TACC2: variants seen among roughly 807,000 people sequenced by gnomAD.
TACC2 encodes transforming acidic coiled-coil containing protein 2.
In TACC2, 137 loss-of-function variants were observed where a neutral mutation model predicts 227.3. The observed-to-expected ratio is 0.60, with a 90% CI of 0.52 to 0.69. TACC2 has a LOEUF of 0.69. Among genes scored for constraint, TACC2 ranks in the 30% least tolerant of loss-of-function variants. The probability of loss-of-function intolerance (pLI) is 0.00; values close to 1 mark genes in which losing one functional copy is unlikely to be tolerated. For synonymous variants in TACC2, 1,523 were observed against 1,487.5 expected, an observed-to-expected ratio of 1.02 and a Z score of -0.55; for missense variants, 3,470 against 3,694.4, an observed-to-expected ratio of 0.94 and a Z score of 1.57.
chr10:122,101,402 T>A (rs1421497816), intron 5 of TACC2, among the ~76,000 whole-genome samples: 1 of 152,064 alleles, frequency 6.6e-6, no homozygotes, highest in Non-Finnish European at 1.5e-5. Context: ...CTGCACATAG[T>A]AGCCCCTCAA....
At chr10:121,992,874 G>A (rs1012941825) in intron 1 of TACC2, among the ~76,000 whole-genome samples, 1 of 151,664 alleles carries the variant, frequency 6.6e-6, no homozygotes, top group Non-Finnish European at 1.5e-5. Flanking sequence ...AGAATTGCTA[G>A]AACCTGGGAG....
In TACC2 at chr10:122,050,172, G is replaced by T. The variant is rs75578652; in HGVS notation, c.34-266G>T. ...AGTGTGGTAGGTGTCCCCAGTTTTGGTTTTTCTACTAAAGCATTCAGTTGG... is the reference window on the plus strand; with the variant it reads ...AGTGTGGTAGGTGTCCCCAGTTTTGTTTTTTCTACTAAAGCATTCAGTTGG... On this transcript the variant is annotated intron_variant, in intron 2 of 22. Transcript: ENST00000369005. The surrounding 1 kb of genome is among the most constrained non-coding windows in gnomAD (Gnocchi z 4.6). 0.013 allele frequency among the ~76,000 whole-genome samples: 2,038 copies of T among 152,268 alleles called. 36 individuals are homozygous for T. The highest frequency in any genetic ancestry group is 0.046 in the African/African-American group (1,931 of 41,542).
At chr10:122,024,488 T>C (rs1257822968) in intron 2 of TACC2, among the ~76,000 whole-genome samples, 1 of 152,178 alleles carries the variant, frequency 6.6e-6, no homozygotes, top group Non-Finnish European at 1.5e-5. Flanking sequence ...ACAGTCAAGA[T>C]AACAGACCAT....
chr10:122,027,122 T>C (rs1163486640), intron 2 of TACC2, among the ~76,000 whole-genome samples: 2 of 152,154 alleles, frequency 1.3e-5, no homozygotes, highest in Non-Finnish European at 2.9e-5. Flanking sequence ...CAGCATTTGG[T>C]GGTGTCAGTA....
chr10:122,042,386 G>C (rs2074409480), intron 2 of TACC2, among the ~76,000 whole-genome samples: 1 of 152,232 alleles, frequency 6.6e-6, no homozygotes, highest in Non-Finnish European at 1.5e-5. Flanking sequence ...GGGATTACAG[G>C]TCCCTGCCAC....
At chr10:122,053,951 C>T (rs1207804499) in intron 3 of TACC2, among the ~76,000 whole-genome samples, 6 of 152,162 alleles carry the variant, frequency 3.9e-5, no homozygotes, top group Admixed American at 2.6e-4. Flanking sequence ...GGGCATGGAG[C>T]GAGGGAAGAA....
chr10:122,156,100 G>A (rs931795674), intron 7 of TACC2, among the ~76,000 whole-genome samples: 1 of 151,706 alleles, frequency 6.6e-6, no homozygotes, highest in South Asian at 2.1e-4. Flanking sequence ...GCCTCCCAAA[G>A]TCCTGGGATT....
intron 1 of TACC2, among the ~76,000 whole-genome samples, chr10:121,992,671 T>C (rs1005893553): frequency 1.3e-5 from 2 of 152,078 alleles, no homozygotes; most frequent in Admixed American, 6.6e-5. Flanking sequence ...AATAGGTGAA[T>C]TGGTTGGGCA....
At chr10:121,998,320 A>G (rs1222386806) in intron 1 of TACC2, among the ~76,000 whole-genome samples, 1 of 151,736 alleles carries the variant, frequency 6.6e-6, no homozygotes, top group Non-Finnish European at 1.5e-5. Context: ...CTCAAAAAAA[A>G]AAAAAAAAAA....
At chr10:122,096,445 C>T (rs2081413635) in intron 5 of TACC2, among the ~76,000 whole-genome samples, 1 of 152,098 alleles carries the variant, frequency 6.6e-6, no homozygotes, top group Non-Finnish European at 1.5e-5. Context: ...GCCTATAATC[C>T]CAGCACTTTG....
intron 7 of TACC2, chr10:122,163,510 C>G (rs971120477): frequency 1.6e-5 from 15 of 951,864 alleles, no homozygotes; most frequent in Non-Finnish European, 1.8e-5. Flanking sequence ...CCGGAGCCCG[C>G]GATGGAGCTT....
chr10:122,111,092 A>G (rs769198743), intron 5 of TACC2, among the ~76,000 whole-genome samples: 8 of 152,206 alleles, frequency 5.3e-5, no homozygotes, highest in Non-Finnish European at 1.0e-4. Context: ...CCTCCTTCCA[A>G]TTAAAGGACC....
rs1234496958 is a variant in TACC2, at chr10:122,254,097, A to G, written c.*41A>G. ...TTTGGACTTAACTGTTGCGTGCAAT[A>G]TGACCGTCGGCACACTGCTGTTCCT... On this transcript the variant is annotated 3_prime_UTR_variant, in exon 23 of 23. Coordinates refer to ENST00000369005, the MANE Select transcript of TACC2 (RefSeq NM_206862.4). The G allele has an allele frequency of 6.5e-7, 1 of 1,549,862 alleles. No homozygotes were observed. Among genetic ancestry groups the G allele is most frequent in the Admixed American group, 1.7e-5 (1 of 59,934 alleles).
In TACC2 at chr10:122,210,088, G is replaced by T; in HGVS notation, c.5972-309G>T. The T allele has an allele frequency of 2.4e-6, 1 of 413,638 alleles. No homozygotes were observed. The highest frequency in any genetic ancestry group is 4.4e-6 in the Non-Finnish European group (1 of 225,838). The allele number at this position is 413,638 out of a possible 1,614,324, so 25.6% of individuals were successfully genotyped here. On this transcript the variant is annotated intron_variant, in intron 8 of 22. Transcript: ENST00000369005. This position sits in a 1 kb window ranked among gnomAD's most constrained non-coding sequence, Gnocchi z 4.6. ...TTCCTTGTTGAATCTCTAGTACCTA[G>T]AACCATGTCTGGTCCTGATTAGGCA...
At chr10:122,113,928 C>A (rs964569618) in intron 5 of TACC2, among the ~76,000 whole-genome samples, 1 of 152,248 alleles carries the variant, frequency 6.6e-6, no homozygotes, top group African/African-American at 2.4e-5. Context: ...GCCCAGGCTC[C>A]GAGCGCCGAA....
At chr10:122,241,898 G>C (rs2096004360) in intron 18 of TACC2, 60 bp from the exon 19 acceptor site, 1 of 1,512,856 alleles carries the variant, frequency 6.6e-7, no homozygotes, top group East Asian at 2.3e-5. Flanking sequence ...GCGTCCAGCT[G>C]TGTGAGATGG....
At chr10:122,174,839 CCTT>C (rs1257250546) in intron 7 of TACC2, among the ~76,000 whole-genome samples, 10 of 152,248 alleles carry the variant, frequency 6.6e-5, no homozygotes, top group African/African-American at 2.2e-4. Context: ...AAGTTTTGTG[CCTT>C]TGACCAACAT....
At position 122,216,707 on chromosome 10, in the gene TACC2, G is replaced by T. The variant is rs769368467; in HGVS notation, c.7425G>T (p.Ala2475=). Residue 2475 remains alanine (A), a synonymous_variant, in exon 11 of 23, where the codon GCG becomes GCT. Transcript: ENST00000369005. The part of the protein sequence containing the change: ...VVHATDEEKL[A]VTNQKWTCMT... Reference sequence around the variant, plus strand: ...ACGCCACAGATGAGGAAAAGCTGGCGGTCACCAACCAGAAGTGGACGTGCA... The same window carrying T: ...ACGCCACAGATGAGGAAAAGCTGGCTGTCACCAACCAGAAGTGGACGTGCA... 1 of 1,614,078 alleles carries T rather than the reference G, an allele frequency of 6.2e-7. No individual in the cohort carries two copies.
intron 1 of TACC2, among the ~76,000 whole-genome samples, chr10:121,996,112 T>G (rs1341665155): frequency 6.6e-6 from 1 of 152,148 alleles, no homozygotes; most frequent in African/African-American, 2.4e-5. Context: ...TTGCCCAAGC[T>G]GGAGTGCAGT....
Sources: gnomAD v4.1 joint callset for allele counts (sites outside exome capture counted in the v4.1 genomes callset) on GRCh38, gnomAD v4.1.1 for gene constraint, Gnocchi (gnomAD v3.1) non-coding constraint, MANE v1.5 for transcripts, NCBI Gene and HGNC (gene_info 2026-07-23, HGNC 2026-07-21) for gene names.